FREM1: variants seen among roughly 807,000 people sequenced by gnomAD.
FREM1 encodes FRAS1 related extracellular matrix 1, also known as FRAS1-related extracellular matrix protein 1.
Under a neutral mutation model 210.1 loss-of-function variants are expected in FREM1, and 220 were observed. That is an observed-to-expected ratio of 1.05 (90% CI 0.94 to 1.17). FREM1 has a LOEUF of 1.17. Ranked by LOEUF, FREM1 falls within the 50% of genes most tolerant of loss-of-function variation. The pLI, the probability that FREM1 is intolerant of heterozygous loss-of-function variation, is 0.00. For missense variants in FREM1, 3,454 were observed against 2,675.5 expected (o/e 1.29, Z -6.42); for synonymous variants, 1,189 against 980.2 (o/e 1.21, Z -3.98).
chr9:14,848,643 T>A (rs1174869011), intron 7 of FREM1, 22 bp downstream of exon 7: 1 of 1,395,450 alleles, frequency 7.2e-7, no homozygotes, highest in Admixed American at 1.7e-5. Flanking sequence ...TATGTTGCTC[T>A]ATGCCTTATA....
At chr9:14,818,110 G>A (rs773127873) in intron 14 of FREM1, among the ~76,000 whole-genome samples, 3 of 152,146 alleles carry the variant, frequency 2.0e-5, no homozygotes, top group African/African-American at 4.8e-5. Context: ...TGGATACCTT[G>A]TCAGACTTGA....
chr9:14,870,128 G>T (rs188486938), intron 1 of FREM1, among the ~76,000 whole-genome samples: 33 of 152,324 alleles, frequency 2.2e-4, no homozygotes, highest in African/African-American at 5.3e-4. Flanking sequence ...TATGCCCAAA[G>T]AAAGGCCTTC....
rs1011773016 is a variant in FREM1 at position 14,866,592 on chromosome 9, A to T, written c.234+2152T>A. 6.6e-5 allele frequency among the ~76,000 whole-genome samples: 10 copies of T among 152,212 alleles called. No individual in the cohort carries two copies. The East Asian group carries it at 1.5e-3, about 23-fold the overall frequency. On this transcript the variant is annotated intron_variant, in intron 2 of 36. Transcript: ENST00000380880. The stretch of plus-strand genomic sequence containing the variant: ...GCATGCTTGAGGTCCAAACTGGAAG[A>T]CAGCTTAGACAGCTTGCTCCTGCGA...
chr9:14,798,763 T>G (rs1392944022), intron 20 of FREM1, among the ~76,000 whole-genome samples: 1 of 152,100 alleles, frequency 6.6e-6, no homozygotes, highest in African/African-American at 2.4e-5. Flanking sequence ...AACATCTACC[T>G]CCTGGGTTCA....
intron 23 of FREM1, 86 bp from the exon 24 acceptor site, chr9:14,784,720 T>G (rs1055807912): frequency 2.0e-6 from 2 of 1,014,578 alleles, no homozygotes; most frequent in Non-Finnish European, 2.7e-6. Context: ...AGGCCAAAAC[T>G]GTGCAAAAAT....
chr9:14,863,763 G>A, intron 3 of FREM1, 46 bp downstream of exon 3: 1 of 1,163,420 alleles, frequency 8.6e-7, no homozygotes, highest in Non-Finnish European at 1.3e-6. Flanking sequence ...TAAGAACACA[G>A]AATGGTTACT....
At chr9:14,796,418 C>T (rs1052280154) in intron 21 of FREM1, among the ~76,000 whole-genome samples, 3 of 152,200 alleles carry the variant, frequency 2.0e-5, no homozygotes, top group Admixed American at 6.5e-5. Context: ...AGACTGTGTA[C>T]AGTTCTGTAT....
intron 7 of FREM1, among the ~76,000 whole-genome samples, chr9:14,847,746 A>T (rs1826951661): frequency 6.6e-6 from 1 of 152,200 alleles, no homozygotes; most frequent in African/African-American, 2.4e-5. Flanking sequence ...CCAAAATGAC[A>T]TTGAGCAAAC....
chr9:14,857,169 T>G (rs1225510368), intron 5 of FREM1, among the ~76,000 whole-genome samples: 1 of 152,030 alleles, frequency 6.6e-6, no homozygotes, highest in African/African-American at 2.4e-5. Flanking sequence ...TCCTGTGACC[T>G]TGCAGAGTGG....
intron 1 of FREM1, among the ~76,000 whole-genome samples, chr9:14,888,261 A>T (rs1836170398): frequency 1.3e-5 from 2 of 152,218 alleles, no homozygotes; most frequent in Non-Finnish European, 2.9e-5. Flanking sequence ...CAATGTCATC[A>T]GCTTGACCTT....
At chr9:14,758,675 G>T (rs766844430) in intron 28 of FREM1, among the ~76,000 whole-genome samples, 3 of 140,572 alleles carry the variant, frequency 2.1e-5, no homozygotes, top group Non-Finnish European at 3.2e-5. Context: ...ATCAGATGGT[G>T]GGGGGATGGG....
chr9:14,756,536 A>G, intron 28 of FREM1, 90 bp from the exon 29 acceptor site: 1 of 873,358 alleles, frequency 1.1e-6, no homozygotes, highest in South Asian at 1.7e-5. Flanking sequence ...GACTAAACTC[A>G]TGCTCTTAAA....
chr9:14,746,774 G>T, intron 34 of FREM1, 149 bp downstream of exon 34: 2 of 911,492 alleles, frequency 2.2e-6, no homozygotes, highest in Non-Finnish European at 3.2e-6. Flanking sequence ...AGCCACTTTG[G>T]GCCATTTTTT....
At chr9:14,859,632 C>T in intron 3 of FREM1, 148 bp from the exon 4 acceptor site, 1 of 653,852 alleles carries the variant, frequency 1.5e-6, no homozygotes, top group East Asian at 2.7e-5. Flanking sequence ...TACTCCCAGC[C>T]TCTCTGTTCT....
At position 14,812,900 on chromosome 9, in the gene FREM1, C is replaced by G; in HGVS notation, c.2805G>C (p.Gln935His). ...KLMFVIAREP[Q>H]HGVVRRAGVT... ...CTCCAGCTCTCCTCACCACCCCATG[C>G]TGAGGTTCGCGAGCAATCACAAACA... The change falls in exon 16 of 37, where the codon CAG becomes CAC. Residue 935 changes from glutamine to histidine, a missense_variant. Coordinates refer to ENST00000380880, the MANE Select transcript of FREM1 (RefSeq NM_001379081.2). The G allele has an allele frequency of 6.2e-7, 1 of 1,613,856 alleles. No individual in the cohort carries two copies. The highest frequency in any genetic ancestry group is 8.5e-7 in the Non-Finnish European group (1 of 1,179,790).
rs76869367 is a variant in FREM1, at chr9:14,899,666, C to T, written c.-268+10248G>A. ...CACACAAGCAGTCTTGGCTAAAATACCTTCTTAGAGTCTCCAAGACACAAA... is the reference window on the plus strand; with the variant it reads ...CACACAAGCAGTCTTGGCTAAAATATCTTCTTAGAGTCTCCAAGACACAAA... On this transcript the variant is annotated intron_variant, in intron 1 of 36. Coordinates refer to ENST00000380880, the MANE Select transcript of FREM1 (RefSeq NM_001379081.2). Among the ~76,000 whole-genome samples, 1,090 of 152,260 alleles carry T rather than the reference C, an allele frequency of 7.2e-3. 13 individuals are homozygous for T. The highest frequency in any genetic ancestry group is 0.025 in the African/African-American group (1,041 of 41,554).
intron 13 of FREM1, among the ~76,000 whole-genome samples, chr9:14,822,412 C>T (rs1053365916): frequency 1.8e-4 from 27 of 152,180 alleles, no homozygotes; most frequent in African/African-American, 5.8e-4. Context: ...AGTAGGCACC[C>T]GGGAAAGTGA....
Position 14,851,427 on chromosome 9 carries a change from T to G in FREM1, c.1009A>C (p.Thr337Pro). 6.2e-7 allele frequency: 1 copy of G among 1,613,898 alleles called. No homozygotes were observed. Among genetic ancestry groups the G allele is most frequent in the Non-Finnish European group, 8.5e-7 (1 of 1,179,854 alleles). ...ACATAGCCCTGGAGCGGGGCTTTAG[T>G]AATGTTGAACACCAGCAAGGGTTTA... is the stretch of plus-strand genomic sequence containing the variant. ...TPKPLLVFNI[T>P]KAPLQGYVTH... The change falls in exon 6 of 37, where the codon ACT becomes CCT. Residue 337 changes from threonine (T) to proline (P), a missense_variant. Thr to Pro is a conservative substitution (Grantham distance 38). Transcript: ENST00000380880.
Position 14,746,456 on chromosome 9 carries a change from T to C in FREM1, c.6151A>G (p.Lys2051Glu). ...TGGTGCCACCCGGCTGGACAGGATT[T>C]GTCTTCCACATCCTGAAAAACAGTT... ...WSPQTKDVED[K>E]SCPAGWHQHS... Residue 2051 changes from lysine to glutamate, a missense_variant, in exon 35 of 37, where the codon AAA becomes GAA. By Grantham distance (56) the Lys-to-Glu change is moderately conservative (BLOSUM62 1). Transcript: ENST00000380880. 1 of 1,612,962 alleles carries C rather than the reference T, an allele frequency of 6.2e-7. No homozygotes were observed. Among genetic ancestry groups the C allele is most frequent in the South Asian group, 1.1e-5 (1 of 91,042 alleles).
Sources: allele counts gnomAD v4.1 joint callset (sites outside exome capture counted in the v4.1 genomes callset), GRCh38; gene constraint gnomAD v4.1.1; transcripts MANE v1.5; gene names NCBI Gene and HGNC (gene_info 2026-07-23, HGNC 2026-07-21).